Variants in BLTP1 observed in about 807,000 individuals in gnomAD.
BLTP1 encodes bridge-like lipid transfer protein family member 1.
At chr4:122,222,076 G>A in the BLTP1 span, 1 of 181,708 alleles carries the variant, frequency 5.5e-6, no homozygotes, top group African/African-American at 2.4e-5. Flanking sequence ...CAAGGTGAAA[G>A]TAGAAGTACT....
At chr4:122,153,705 G>T in the BLTP1 span, among the ~76,000 whole-genome samples, 3 of 152,142 alleles carry the variant, frequency 2.0e-5, no homozygotes, top group East Asian at 5.8e-4. Flanking sequence ...CAGTTTGAGA[G>T]AAACTTTCTC....
At chr4:122,336,921 A>G in the BLTP1 span, 1 of 1,610,844 alleles carries the variant, frequency 6.2e-7, no homozygotes, top group Non-Finnish European at 8.5e-7. Context: ...ATTTTGAAAT[A>G]CCAGATCCTA....
the BLTP1 span, chr4:122,266,929 C>A: frequency 2.5e-6 from 4 of 1,592,234 alleles, no homozygotes; most frequent in South Asian, 4.6e-5. Context: ...CAGACACAGC[C>A]AAAGAGAGAA....
the BLTP1 span, chr4:122,281,636 C>T: frequency 2.5e-6 from 4 of 1,613,340 alleles, no homozygotes; most frequent in Middle Eastern, 1.6e-4. Flanking sequence ...ATTTCCTCAG[C>T]TACCAGAAGG....
the BLTP1 span, chr4:122,153,133 T>A: frequency 1.6e-6 from 1 of 636,718 alleles, no homozygotes; most frequent in Non-Finnish European, 2.0e-6. Context: ...AGTTGATTTT[T>A]CTTCCGGAGA....
the BLTP1 span, chr4:122,325,519 G>C: frequency 1.0e-6 from 1 of 984,800 alleles, no homozygotes; most frequent in Non-Finnish European, 1.2e-6. Flanking sequence ...GCAGGTGTTA[G>C]TATTTTACAT....
chr4:122,239,985 C>T, the BLTP1 span: 7 of 1,614,142 alleles, frequency 4.3e-6, no homozygotes, highest in Admixed American at 1.7e-5. Context: ...TTCCATATAT[C>T]ACAGTGTAGA....
At chr4:122,282,964 C>A in the BLTP1 span, among the ~76,000 whole-genome samples, 9 of 151,836 alleles carry the variant, frequency 5.9e-5, no homozygotes, top group Non-Finnish European at 1.2e-4. Flanking sequence ...TGTATATTAA[C>A]TCTTTGATAT....
the BLTP1 span, chr4:122,154,403 A>G: frequency 1.0e-6 from 1 of 984,722 alleles, no homozygotes; most frequent in Non-Finnish European, 1.2e-6. Context: ...GTAACCTGTT[A>G]GTCATTTTAC....
chr4:122,279,631 C>CT, the BLTP1 span: 3 of 901,878 alleles, frequency 3.3e-6, no homozygotes, highest in Admixed American at 3.0e-5. Context: ...GAAATCTACA[C>CT]TTTTTTTGTA....
At chr4:122,210,016 T>C in the BLTP1 span, 28 of 1,477,924 alleles carry the variant, frequency 1.9e-5, no homozygotes, top group East Asian at 6.3e-4. Context: ...GAAATGCATC[T>C]ATTCTTGTGA....
At chr4:122,234,725 GA>G in the BLTP1 span, 37 of 1,531,362 alleles carry the variant, frequency 2.4e-5, no homozygotes, top group Middle Eastern at 3.5e-4. Flanking sequence ...ATTTCTTAAT[GA>G]TTTTTTTTAT....
At chr4:122,350,983 A>G in the BLTP1 span, among the ~76,000 whole-genome samples, 4 of 152,210 alleles carry the variant, frequency 2.6e-5, no homozygotes, top group Non-Finnish European at 4.4e-5. Flanking sequence ...TTTTCAAAAA[A>G]TACTCCCTTT....
the BLTP1 span, chr4:122,290,880 ATAAT>A: frequency 6.0e-6 from 1 of 165,930 alleles, no homozygotes; most frequent in Admixed American, 6.9e-5. Flanking sequence ...AACATACTAT[ATAAT>A]ATATATTATA....
chr4:122,250,011 A>G, the BLTP1 span: 49 of 940,140 alleles, frequency 5.2e-5, no homozygotes, highest in Non-Finnish European at 6.2e-5. Context: ...GAATTATGCC[A>G]TATAGGATAT....
chr4:122,332,459 G>A, the BLTP1 span, among the ~76,000 whole-genome samples: 4 of 151,722 alleles, frequency 2.6e-5, no homozygotes, highest in South Asian at 2.1e-4. Context: ...TGAAAGTCAC[G>A]ACCTTAGGAA....
At chr4:122,262,713 G>A in the BLTP1 span, 2 of 1,515,082 alleles carry the variant, frequency 1.3e-6, no homozygotes, top group Non-Finnish European at 1.8e-6. Flanking sequence ...GTAGTTATCA[G>A]CTGTCATTTT....
At chr4:122,252,355 C>T in the BLTP1 span, among the ~76,000 whole-genome samples, 1 of 152,136 alleles carries the variant, frequency 6.6e-6, no homozygotes, top group Non-Finnish European at 1.5e-5. Flanking sequence ...TCTTGGGGTA[C>T]CTGATTTCAG....
chr4:122,316,590 T>G, the BLTP1 span: 1 of 1,131,428 alleles, frequency 8.8e-7, no homozygotes, highest in South Asian at 1.3e-5. Flanking sequence ...ATTGAAGGGA[T>G]TTAAATCAAT....
Sources: allele counts gnomAD v4.1 joint callset (sites outside exome capture counted in the v4.1 genomes callset), GRCh38; gene constraint gnomAD v4.1.1; transcripts MANE v1.5; gene names NCBI Gene and HGNC (gene_info 2026-07-23, HGNC 2026-07-21).